The following TP53BP1 variants were observed in gnomAD, a reference collection of about 807,000 sequenced individuals.
The protein encoded by TP53BP1 is TP53-binding protein 1.
Under a neutral mutation model 200.8 loss-of-function variants are expected in TP53BP1, and 61 were observed. That is an observed-to-expected ratio of 0.30 (90% CI 0.25 to 0.38). The LOEUF is 0.38. Among genes scored for constraint, TP53BP1 ranks in the 10% least tolerant of loss-of-function variants. The pLI is 1.00. For synonymous variants in TP53BP1, 822 were observed against 844.3 expected, an observed-to-expected ratio of 0.97 and a Z score of 0.46; for missense variants, 2,144 against 2,371.9, an observed-to-expected ratio of 0.90 and a Z score of 2.00.
Position 43,493,112 on chromosome 15 carries a change from C to CCCTA in TP53BP1, c.-73_-70dup, listed in dbSNP as rs1474367016. 6.2e-7 allele frequency: 1 copy of CCCTA among 1,600,994 alleles called. No individual in the cohort carries two copies. The highest frequency in any genetic ancestry group is 8.5e-7 in the Non-Finnish European group (1 of 1,176,200). ...GCTCCCCAAGTCCCTCCAGATCGAT[C>CCCTA]CCTAGGTCGCCGCTGTCGCCACCGC... is the stretch of plus-strand genomic sequence containing the variant. On this transcript the variant is annotated 5_prime_UTR_variant, in exon 1 of 28. Coordinates refer to ENST00000382044, the MANE Select transcript of TP53BP1 (RefSeq NM_001141980.3).
In TP53BP1 at chr15:43,493,121, G is replaced by C. The variant is rs940064173; in HGVS notation, c.-78C>G. The C allele has an allele frequency of 1.9e-6, 3 of 1,593,632 alleles. No homozygotes were observed. Among genetic ancestry groups the C allele is most frequent in the Non-Finnish European group, 2.6e-6 (3 of 1,173,582 alleles). On this transcript the variant is annotated 5_prime_UTR_variant, in exon 1 of 28. Coordinates refer to ENST00000382044, the MANE Select transcript of TP53BP1 (RefSeq NM_001141980.3). ...GTCCCTCCAGATCGATCCCTAGGTCGCCGCTGTCGCCACCGCCGCCACCGG... is the reference window on the plus strand; with the variant it reads ...GTCCCTCCAGATCGATCCCTAGGTCCCCGCTGTCGCCACCGCCGCCACCGG...
Position 43,477,573 on chromosome 15 carries a change from C to A in TP53BP1, c.955+20G>T. ...TTAGATCTTTGGAGAAGAGCTGTAA[C>A]GACAAATCACTCTTGGTACCTGTTT... On this transcript the variant is annotated intron_variant, in intron 8 of 27. Coordinates refer to ENST00000382044, the MANE Select transcript of TP53BP1 (RefSeq NM_001141980.3). The A allele has an allele frequency of 6.3e-7, 1 of 1,588,874 alleles. No individual in the cohort carries two copies. Among genetic ancestry groups the A allele is most frequent in the Non-Finnish European group, 8.5e-7 (1 of 1,170,696 alleles).
intron 1 of TP53BP1, among the ~76,000 whole-genome samples, chr15:43,502,289 A>G (rs1322354537): frequency 6.6e-6 from 1 of 152,156 alleles, no homozygotes; most frequent in African/African-American, 2.4e-5. Context: ...CACCACTTGC[A>G]CTCCAGCCTG....
At chr15:43,464,587 C>T (rs2046521428) in intron 11 of TP53BP1, among the ~76,000 whole-genome samples, 1 of 152,090 alleles carries the variant, frequency 6.6e-6, no homozygotes, top group African/African-American at 2.4e-5. Context: ...GGTATATCCA[C>T]ACAATTGTAT....
chr15:43,510,613 T>C, exon 1 of TP53BP1: 1 of 235,958 alleles, frequency 4.2e-6, no homozygotes, highest in Non-Finnish European at 8.3e-6. Context: ...ATGGCTCCCC[T>C]CAGTTCGGGC....
At chr15:43,470,948 T>C (rs2046709702) in intron 10 of TP53BP1, among the ~76,000 whole-genome samples, 1 of 152,226 alleles carries the variant, frequency 6.6e-6, no homozygotes, top group East Asian at 1.9e-4. Flanking sequence ...CTTACCAGTC[T>C]ACACCTAATT....
In TP53BP1 at chr15:43,407,557, C is replaced by T; in HGVS notation, c.5760G>A (p.Gly1920=). Residue 1920 remains glycine, a synonymous_variant, in exon 28 of 28, where the codon GGG becomes GGA. Transcript: ENST00000382044. ...SSAHNKDIAL[G]VFDVVVTDPS... is the part of the protein sequence containing the mutation. ...GGTCCGTCACCACCACATCAAATAC[C>T]CCTAAAGCAATATCTGCAAGGAGCA... 1 of 1,611,912 alleles carries T rather than the reference C, an allele frequency of 6.2e-7. No individual in the cohort carries two copies. The highest frequency in any genetic ancestry group is 8.5e-7 in the Non-Finnish European group (1 of 1,178,468).
intron 2 of TP53BP1, 82 bp downstream of exon 2, chr15:43,492,202 A>T: frequency 6.6e-7 from 1 of 1,511,102 alleles, no homozygotes; most frequent in Middle Eastern, 1.7e-4. Context: ...GAAGGTAATG[A>T]TCTTCTAAAT....
intron 1 of TP53BP1, among the ~76,000 whole-genome samples, chr15:43,500,569 C>A (rs1425848753): frequency 1.3e-5 from 2 of 151,920 alleles, no homozygotes; most frequent in Non-Finnish European, 2.9e-5. Flanking sequence ...CTTAAAATCC[C>A]AGCACTTTGG....
At chr15:43,414,039 AAC>A (rs2045201560) in intron 23 of TP53BP1, 1 of 445,288 alleles carries the variant, frequency 2.2e-6, no homozygotes, top group African/African-American at 2.1e-5. Context: ...TGAGAAAAAA[AAC>A]AGATACCTGA....
intron 4 of TP53BP1, among the ~76,000 whole-genome samples, chr15:43,491,123 CTAGA>C (rs1427103867): frequency 6.6e-6 from 1 of 151,296 alleles, no homozygotes; most frequent in East Asian, 1.9e-4. Context: ...GTCACTCAGG[CTAGA>C]TAAAGTACAC....
chr15:43,483,838 G>A (rs182211767), intron 4 of TP53BP1, among the ~76,000 whole-genome samples: 2 of 152,292 alleles, frequency 1.3e-5, no homozygotes, highest in Non-Finnish European at 2.9e-5. Flanking sequence ...GTTTCTTTTG[G>A]TGTTTTTACC....
intron 4 of TP53BP1, among the ~76,000 whole-genome samples, chr15:43,486,104 A>T (rs2079043611): frequency 1.3e-5 from 2 of 151,358 alleles, no homozygotes; most frequent in Non-Finnish European, 2.9e-5. Flanking sequence ...AGGGCCGCGG[A>T]GGTGCCTCAC....
chr15:43,426,439 C>CAAAAAAAAAAAAAAAAAAAAAAAAAAAA (rs538087512), intron 18 of TP53BP1, among the ~76,000 whole-genome samples: 1 of 56,790 alleles, frequency 1.8e-5, no homozygotes, highest in African/African-American at 6.3e-5. Flanking sequence ...GACTCTGTGT[C>CAAAAAAAAAAAAAAAAAAAAAAAAAAAA]AAAAAAAAAA....
intron 6 of TP53BP1, among the ~76,000 whole-genome samples, 164 bp from the exon 7 acceptor site, chr15:43,479,690 G>T (rs562259048): frequency 1.3e-5 from 2 of 152,138 alleles, no homozygotes; most frequent in African/African-American, 4.8e-5. Flanking sequence ...TAAAACCTCA[G>T]CCCACAAACC....
intron 10 of TP53BP1, among the ~76,000 whole-genome samples, chr15:43,472,130 C>G (rs548409121): frequency 7.9e-5 from 12 of 152,324 alleles, no homozygotes; most frequent in Non-Finnish European, 8.8e-5. Context: ...CTGGAGGCAG[C>G]TGCCTGAGTT....
At chr15:43,481,893 T>G (rs968550858) in intron 4 of TP53BP1, among the ~76,000 whole-genome samples, 4 of 151,514 alleles carry the variant, frequency 2.6e-5, no homozygotes, top group Admixed American at 2.0e-4. Context: ...TACTGCAGCC[T>G]TGAACTACTG....
In TP53BP1 at chr15:43,441,269, G is replaced by A. The variant is rs962449058; in HGVS notation, c.3098+257C>T. On this transcript the variant is annotated intron_variant, in intron 15 of 27. Transcript: ENST00000382044. ...CTCTTGTATCAGCAACAGAAAAAAG[G>A]GGGGAAAGGAACTCTCACATGAACA... is the stretch of plus-strand genomic sequence containing the variant. The A allele has an allele frequency of 2.3e-5, 8 of 340,852 alleles. No homozygotes were observed. In the South Asian group the frequency reaches 2.5e-4, roughly 11 times the overall value. The allele number at this position is 340,852 out of a possible 1,614,324, so 21.1% of individuals were successfully genotyped here. A position where few individuals can be genotyped will look rare whatever the true frequency, so the allele number is the denominator to read the frequency against.
In TP53BP1 at chr15:43,438,347, C is replaced by T; in HGVS notation, c.3168G>A (p.Glu1056=). 6.2e-7 allele frequency: 1 copy of T among 1,613,712 alleles called. No individual in the cohort carries two copies. The highest frequency in any genetic ancestry group is 8.5e-7 in the Non-Finnish European group (1 of 1,179,828). Residue 1056 remains glutamate, a synonymous_variant, in exon 16 of 28, where the codon GAG becomes GAA. Coordinates refer to ENST00000382044, the MANE Select transcript of TP53BP1 (RefSeq NM_001141980.3). ...EARQENEARS[E]DPPTTPIRGN... The stretch of plus-strand genomic sequence containing the variant: ...ACCTGATGGGTGTGGTGGGGGGATC[C>T]TCACTTCGAGCCTCATTCTCTTGCC...
Sources: gnomAD v4.1 joint callset for allele counts (sites outside exome capture counted in the v4.1 genomes callset) on GRCh38, gnomAD v4.1.1 for gene constraint, MANE v1.5 for transcripts, NCBI Gene and HGNC (gene_info 2026-07-23, HGNC 2026-07-21) for gene names.